Variants in PPP2R2B observed in about 807,000 individuals in gnomAD.
PPP2R2B encodes serine/threonine-protein phosphatase 2A 55 kDa regulatory subunit B beta isoform.
In PPP2R2B, 5 loss-of-function variants were observed where a neutral mutation model predicts 46.0. The observed-to-expected ratio is 0.11, with a 90% CI of 0.06 to 0.23. PPP2R2B has a LOEUF of 0.23. Among genes scored for constraint, PPP2R2B ranks in the 10% least tolerant of loss-of-function variants. PPP2R2B has a pLI of 1.00. For missense variants in PPP2R2B, 367 were observed against 575.0 expected, an observed-to-expected ratio of 0.64 and a Z score of 3.70; for synonymous variants, 215 against 206.7, an observed-to-expected ratio of 1.04 and a Z score of -0.34.
chr5:146,646,136 C>A (rs556595670), intron 6 of PPP2R2B, among the ~76,000 whole-genome samples: 1 of 152,312 alleles, frequency 6.6e-6, no homozygotes, highest in East Asian at 1.9e-4. Flanking sequence ...ATGAACATTA[C>A]TCTGAAAGCG....
chr5:146,843,470 T>C (rs1759792871), intron 2 of PPP2R2B, among the ~76,000 whole-genome samples: 1 of 152,208 alleles, frequency 6.6e-6, no homozygotes, highest in African/African-American at 2.4e-5. Flanking sequence ...CCCAATGAGC[T>C]TAGATCTTAT....
chr5:146,754,781 G>A (rs1753745402), intron 2 of PPP2R2B, among the ~76,000 whole-genome samples: 1 of 152,186 alleles, frequency 6.6e-6, no homozygotes, highest in East Asian at 1.9e-4. Context: ...GCAGCCTCCT[G>A]TCAATAGCCA....
chr5:146,887,026 T>C (rs1762351114), intron 1 of PPP2R2B, among the ~76,000 whole-genome samples: 1 of 152,040 alleles, frequency 6.6e-6, no homozygotes, highest in Non-Finnish European at 1.5e-5. Flanking sequence ...ACCACATTTG[T>C]AATTGTAAAT....
At position 146,968,977 on chromosome 5, in the gene PPP2R2B, C is replaced by T. The variant is rs529389907; in HGVS notation, c.79+86688G>A. 5.9e-5 allele frequency among the ~76,000 whole-genome samples: 9 copies of T among 152,328 alleles called. No homozygotes were observed. The South Asian group carries it at 1.9e-3, about 32-fold the overall frequency. ...ATTTTATAATGGCTATGCTTAACAA[C>T]CAGTTCAAAACAATTCAGGACGTTT... is the stretch of plus-strand genomic sequence containing the variant. On this transcript the variant is annotated intron_variant, in intron 1 of 8. Transcript: ENST00000336640.
chr5:146,867,670 C>T (rs982725645), intron 2 of PPP2R2B, among the ~76,000 whole-genome samples: 21 of 152,078 alleles, frequency 1.4e-4, no homozygotes, highest in African/African-American at 2.4e-5. Flanking sequence ...ACTTCGGCCA[C>T]CTCATGATAA....
At chr5:146,788,276 G>A (rs2151291154) in intron 2 of PPP2R2B, among the ~76,000 whole-genome samples, 1 of 151,486 alleles carries the variant, frequency 6.6e-6, no homozygotes, top group Admixed American at 6.6e-5. Context: ...AAATTTTGGG[G>A]ATAATGGTAA....
chr5:146,833,325 T>G (rs1759074073), intron 2 of PPP2R2B, among the ~76,000 whole-genome samples: 1 of 152,144 alleles, frequency 6.6e-6, no homozygotes, highest in Admixed American at 6.6e-5. Flanking sequence ...GCTCCTTTCC[T>G]TCTCATGGAA....
chr5:146,794,620 G>C (rs547884139), intron 2 of PPP2R2B, among the ~76,000 whole-genome samples: 1 of 152,214 alleles, frequency 6.6e-6, no homozygotes, highest in East Asian at 1.9e-4. Flanking sequence ...TTCTACAGTT[G>C]AGTAAGCCCA....
chr5:146,998,795 TC>T (rs1393003053), intron 1 of PPP2R2B, among the ~76,000 whole-genome samples: 1 of 152,040 alleles, frequency 6.6e-6, no homozygotes, highest in Non-Finnish European at 1.5e-5. Flanking sequence ...TTCTCTTTTT[TC>T]CCCCTTATCA....
chr5:146,977,017 C>T (rs1375795666), intron 1 of PPP2R2B, among the ~76,000 whole-genome samples: 1 of 149,618 alleles, frequency 6.7e-6, no homozygotes, highest in African/African-American at 2.4e-5. Flanking sequence ...TCATCTTTCT[C>T]TTTGCTACAG....
chr5:147,041,865 T>C (rs975674398), intron 1 of PPP2R2B, among the ~76,000 whole-genome samples: 1 of 152,190 alleles, frequency 6.6e-6, no homozygotes, highest in Non-Finnish European at 1.5e-5. Flanking sequence ...ACGCTATTTT[T>C]AGACTCTCCC....
At chr5:146,885,253 C>A (rs538384339) in intron 1 of PPP2R2B, among the ~76,000 whole-genome samples, 1 of 152,262 alleles carries the variant, frequency 6.6e-6, no homozygotes, top group South Asian at 2.1e-4. Context: ...TAACCAAAGT[C>A]AGATAGATGA....
At chr5:146,706,892 G>T in intron 2 of PPP2R2B, 1 of 1,270,224 alleles carries the variant, frequency 7.9e-7, no homozygotes. Flanking sequence ...CACCACAGAC[G>T]TGTCCGAGAT....
At chr5:146,875,930 C>T (rs1005751044) in intron 2 of PPP2R2B, among the ~76,000 whole-genome samples, 2 of 152,174 alleles carry the variant, frequency 1.3e-5, no homozygotes, top group Non-Finnish European at 2.9e-5. Context: ...TTCCCTGAAA[C>T]GAATAGGTCA....
chr5:147,006,906 C>A (rs1470247394), intron 1 of PPP2R2B, among the ~76,000 whole-genome samples: 1 of 152,194 alleles, frequency 6.6e-6, no homozygotes, highest in African/African-American at 2.4e-5. Context: ...TTTCCAAAAT[C>A]AGACAATGCC....
rs529980579 is a variant in PPP2R2B, at chr5:146,852,695, T to C, written c.70+25307A>G. ...CTCAACAATTCCCAATGACTGCTAA[T>C]GTGTTGGCCAGCAACATGAACCTGC... is the stretch of plus-strand genomic sequence containing the variant. On this transcript the variant is annotated intron_variant, in intron 2 of 9. Coordinates refer to ENST00000394411, the MANE Select transcript of PPP2R2B (RefSeq NM_181675.4). 4.5e-4 allele frequency among the ~76,000 whole-genome samples: 69 copies of C among 152,264 alleles called. No individual in the cohort carries two copies. In the South Asian group the frequency reaches 5.0e-3, roughly 11 times the overall value.
chr5:146,797,247 T>G (rs1225212621), intron 2 of PPP2R2B, among the ~76,000 whole-genome samples: 1 of 152,356 alleles, frequency 6.6e-6, no homozygotes, highest in East Asian at 1.9e-4. Flanking sequence ...CTGTGGATTC[T>G]TGTCATCACA....
chr5:146,906,910 T>C (rs1436438625), intron 1 of PPP2R2B, among the ~76,000 whole-genome samples: 2 of 152,174 alleles, frequency 1.3e-5, no homozygotes, highest in Non-Finnish European at 2.9e-5. Flanking sequence ...ATGCAGCTGA[T>C]TAAATTTAAA....
chr5:146,836,460 C>A (rs116674554), intron 2 of PPP2R2B, among the ~76,000 whole-genome samples: 1 of 152,190 alleles, frequency 6.6e-6, no homozygotes, highest in African/African-American at 2.4e-5. Context: ...CAAATTGCAA[C>A]GAACTGGACT....
Sources: gnomAD v4.1 joint callset for allele counts (sites outside exome capture counted in the v4.1 genomes callset) on GRCh38, gnomAD v4.1.1 for gene constraint, MANE v1.5 for transcripts, NCBI Gene and HGNC (gene_info 2026-07-23, HGNC 2026-07-21) for gene names.